Variants in ANO6 observed in about 807,000 individuals in gnomAD.
ANO6 encodes anoctamin-6.
A neutral mutation model predicts 117.5 loss-of-function variants in ANO6; 106 were observed. That is an observed-to-expected ratio of 0.90 (90% CI 0.77 to 1.06). The LOEUF (loss-of-function observed/expected upper bound fraction) is 1.06. ANO6 is among the 50% of genes least tolerant of loss of function. The pLI is 0.00. For missense variants in ANO6, 955 were observed against 1,121.1 expected, an observed-to-expected ratio of 0.85 and a Z score of 2.12; for synonymous variants, 367 against 385.1, an observed-to-expected ratio of 0.95 and a Z score of 0.55.
In ANO6 at chr12:45,432,087, C is replaced by G. The variant is rs1943645521; in HGVS notation, c.*2776C>G. ...TAAAACATTAATTCACAATGGGGGT[C>G]AGAATGTACTCTTGTTGAAACACTT... On this transcript the variant is annotated 3_prime_UTR_variant, in exon 20 of 20. Transcript: ENST00000320560. The G allele has an allele frequency of 1.0e-6, 1 of 985,200 alleles. No homozygotes were observed. The highest frequency in any genetic ancestry group is 1.7e-5 in the African/African-American group (1 of 57,202). The allele number at this position is 985,200 out of a possible 1,614,324, so 61.0% of individuals were successfully genotyped here. A position where few individuals can be genotyped will look rare whatever the true frequency, so the allele number is the denominator to read the frequency against.
chr12:45,329,689 A>G (rs1940596942), intron 2 of ANO6, among the ~76,000 whole-genome samples: 1 of 152,114 alleles, frequency 6.6e-6, no homozygotes, highest in East Asian at 1.9e-4. Flanking sequence ...GATGTTTGCA[A>G]TGATGACCAG....
chr12:45,331,357 T>C lies in ANO6; in HGVS notation c.213T>C (p.Phe71=). Residue 71 remains phenylalanine, a synonymous_variant, in exon 3 of 20, where the codon TTT becomes TTC. Transcript: ENST00000320560. ...ATGATGGCCAGCGAAGAATTGACTTTGTTCTAGTATATGAGGATGAAAGCA... is the reference window on the plus strand; with the variant it reads ...ATGATGGCCAGCGAAGAATTGACTTCGTTCTAGTATATGAGGATGAAAGCA... The part of the protein sequence containing the change: ...FFNDGQRRID[F]VLVYEDESRK... 6.2e-7 allele frequency: 1 copy of C among 1,610,354 alleles called. No individual in the cohort carries two copies. The highest frequency in any genetic ancestry group is 8.5e-7 in the Non-Finnish European group (1 of 1,178,124).
chr12:45,390,601 G>C, intron 12 of ANO6, 103 bp downstream of exon 12: 1 of 1,043,174 alleles, frequency 9.6e-7, no homozygotes, highest in Non-Finnish European at 1.5e-6. Flanking sequence ...TAAATGCTGA[G>C]CCTGGAAACT....
intron 1 of ANO6, among the ~76,000 whole-genome samples, chr12:45,220,389 A>G (rs968411124): frequency 6.6e-6 from 1 of 152,190 alleles, no homozygotes; most frequent in Non-Finnish European, 1.5e-5. Flanking sequence ...TCCCTTTTCA[A>G]CTGTCACATT....
At chr12:45,377,477 A>G (rs373980470) in intron 9 of ANO6, among the ~76,000 whole-genome samples, 1 of 152,294 alleles carries the variant, frequency 6.6e-6, no homozygotes, top group South Asian at 2.1e-4. Context: ...CTTTATTCCA[A>G]TAGAAGCATC....
At chr12:45,284,711 C>T (rs988863199) in intron 1 of ANO6, among the ~76,000 whole-genome samples, 7 of 152,130 alleles carry the variant, frequency 4.6e-5, no homozygotes, top group Non-Finnish European at 7.4e-5. Flanking sequence ...TGACTGTTGT[C>T]GTGTATCTAA....
intron 1 of ANO6, among the ~76,000 whole-genome samples, chr12:45,276,383 C>T (rs559649452): frequency 4.3e-4 from 65 of 152,250 alleles, no homozygotes; most frequent in Admixed American, 9.8e-4. Context: ...TCACTTGTTC[C>T]CCAGCCTCTC....
intron 9 of ANO6, among the ~76,000 whole-genome samples, chr12:45,368,582 A>G (rs1011772153): frequency 2.6e-5 from 4 of 152,234 alleles, no homozygotes; most frequent in Non-Finnish European, 5.9e-5. Context: ...TCAGACGAGC[A>G]TGAAGAATGG....
chr12:45,391,801 G>A (rs932837967), intron 12 of ANO6, among the ~76,000 whole-genome samples: 4 of 152,190 alleles, frequency 2.6e-5, no homozygotes, highest in African/African-American at 7.2e-5. Context: ...GGAGGTTGCA[G>A]GGAGCCGAGA....
At chr12:45,301,126 C>T (rs1051949530) in intron 1 of ANO6, among the ~76,000 whole-genome samples, 18 of 152,110 alleles carry the variant, frequency 1.2e-4, no homozygotes, top group African/African-American at 4.1e-4. Flanking sequence ...AGACTTAACA[C>T]AAAAGAGGTA....
chr12:45,354,491 G>A (rs1288904892), intron 7 of ANO6, among the ~76,000 whole-genome samples: 1 of 152,064 alleles, frequency 6.6e-6, no homozygotes, highest in Non-Finnish European at 1.5e-5. Flanking sequence ...GGAAATGCCA[G>A]CACAAGAGAG....
At chr12:45,312,140 CA>C (rs1565681310) in intron 2 of ANO6, among the ~76,000 whole-genome samples, 1 of 151,792 alleles carries the variant, frequency 6.6e-6, no homozygotes, top group Non-Finnish European at 1.5e-5. Flanking sequence ...ATTAATTTGA[CA>C]AAAACATGGG....
At chr12:45,227,810 A>G (rs752133226) in intron 1 of ANO6, among the ~76,000 whole-genome samples, 4 of 152,186 alleles carry the variant, frequency 2.6e-5, no homozygotes, top group Admixed American at 2.0e-4. Flanking sequence ...ATTAAGGGTA[A>G]TGACAGTGGC....
At chr12:45,299,806 T>G (rs1396376672) in intron 1 of ANO6, among the ~76,000 whole-genome samples, 1 of 151,810 alleles carries the variant, frequency 6.6e-6, no homozygotes, top group East Asian at 1.9e-4. Context: ...GAGCCCAGAT[T>G]GCGCTACTGC....
intron 3 of ANO6, among the ~76,000 whole-genome samples, chr12:45,339,046 G>A: frequency 6.6e-6 from 1 of 152,132 alleles, no homozygotes; most frequent in Middle Eastern, 3.4e-3. Context: ...TCTGTAAAGG[G>A]GTACAGCAGG....
intron 3 of ANO6, among the ~76,000 whole-genome samples, chr12:45,343,415 A>G (rs576722910): frequency 6.0e-4 from 91 of 152,262 alleles, no homozygotes; most frequent in South Asian, 1.2e-3. Context: ...GGATCCTGCT[A>G]TGACCTGCTA....
rs144406887 is a variant in ANO6 at position 45,347,039 on chromosome 12, C to T, written c.297C>T (p.Tyr99=). ...NEKQRRKRQA[Y]ESNLICHGLQ... is the part of the protein sequence containing the mutation. ...TTTGACAGAGGAAAAGACAAGCATA[C>T]GAATCTAACCTTATCTGTCATGGCC... is the stretch of plus-strand genomic sequence containing the variant. Residue 99 remains tyrosine, a synonymous_variant, in exon 4 of 20, where the codon TAC becomes TAT. Transcript: ENST00000320560. The T allele has an allele frequency of 6.8e-6, 11 of 1,613,998 alleles. No individual in the cohort carries two copies. The highest frequency in any genetic ancestry group is 6.7e-5 in the African/African-American group (5 of 75,034).
intron 2 of ANO6, among the ~76,000 whole-genome samples, chr12:45,317,868 G>A (rs1202584537): frequency 1.3e-5 from 2 of 152,130 alleles, no homozygotes; most frequent in African/African-American, 4.8e-5. Context: ...TTCTCTGATG[G>A]CCAGTGATGA....
intron 6 of ANO6, among the ~76,000 whole-genome samples, chr12:45,350,181 G>C (rs1941243671): frequency 6.6e-6 from 1 of 152,176 alleles, no homozygotes; most frequent in Non-Finnish European, 1.5e-5. Context: ...TTTGTTTTCT[G>C]TATGTTATCA....
Sources: gnomAD v4.1 joint callset for allele counts (sites outside exome capture counted in the v4.1 genomes callset) on GRCh38, gnomAD v4.1.1 for gene constraint, MANE v1.5 for transcripts, NCBI Gene and HGNC (gene_info 2026-07-23, HGNC 2026-07-21) for gene names.